The following CSMD3 variants were observed in gnomAD, a reference collection of about 807,000 sequenced individuals.
CSMD3 encodes the protein CUB and Sushi multiple domains 3.
A neutral mutation model predicts 435.2 loss-of-function variants in CSMD3; 177 were observed. That is an observed-to-expected ratio of 0.41 (90% CI 0.36 to 0.46). The LOEUF (loss-of-function observed/expected upper bound fraction) is 0.46, where lower values mean the gene tolerates loss of function less well. CSMD3 is among the 20% of genes least tolerant of loss of function. The probability of loss-of-function intolerance (pLI) is 0.34; values close to 1 mark genes in which losing one functional copy is unlikely to be tolerated. For synonymous variants in CSMD3, 1,656 were observed against 1,520.5 expected (o/e 1.09, Z -2.07); for missense variants, 4,265 against 4,504.6 (o/e 0.95, Z 1.52).
At chr8:112,455,866 TA>T (rs537474453) in intron 32 of CSMD3, among the ~76,000 whole-genome samples, 4 of 150,364 alleles carry the variant, frequency 2.7e-5, no homozygotes, top group Admixed American at 6.6e-5. Context: ...AGCTGGGATT[TA>T]AAAAAAAAGG....
chr8:113,340,197 G>T (rs2094108565), intron 1 of CSMD3, among the ~76,000 whole-genome samples: 2 of 151,774 alleles, frequency 1.3e-5, no homozygotes, highest in African/African-American at 2.4e-5. Flanking sequence ...TGTAAGTTTT[G>T]TATTCTCTTA....
intron 1 of CSMD3, among the ~76,000 whole-genome samples, chr8:113,372,661 C>T (rs1333121232): frequency 6.6e-6 from 1 of 152,084 alleles, no homozygotes; most frequent in Non-Finnish European, 1.5e-5. Context: ...AGGCCGGGCG[C>T]GGTGGCTCAC....
chr8:112,550,831 T>A lies in CSMD3; in HGVS notation c.4404A>T (p.Ile1468=), dbSNP rs1318558529. The change falls in exon 27 of 71, where the codon ATA becomes ATT. Residue 1468 remains isoleucine (I), a synonymous_variant. Coordinates refer to ENST00000297405, the MANE Select transcript of CSMD3 (RefSeq NM_198123.2). ...LAFDTEASHD[I]LRVWDGPPEN... is the part of the protein sequence containing the mutation. ...CTGGTGGACCGTCCCAGACTCGGAG[T>A]ATATCATGTGATGCTTCCGTATCAA... The A allele has an allele frequency of 2.5e-6, 4 of 1,612,456 alleles. No individual in the cohort carries two copies. In the South Asian group the frequency reaches 4.4e-5, roughly 18 times the overall value.
intron 6 of CSMD3, among the ~76,000 whole-genome samples, chr8:112,977,058 GTT>G (rs2084878391): frequency 6.6e-6 from 1 of 151,922 alleles, no homozygotes; most frequent in African/African-American, 2.4e-5. Context: ...TCAAATTAGA[GTT>G]TGCTTTTTCA....
At chr8:113,006,266 T>C (rs2086051505) in intron 6 of CSMD3, among the ~76,000 whole-genome samples, 1 of 152,010 alleles carries the variant, frequency 6.6e-6, no homozygotes, top group African/African-American at 2.4e-5. Flanking sequence ...TCTTGAAGAT[T>C]TGTCTCTATA....
chr8:112,646,595 T>C (rs553973112), intron 19 of CSMD3, among the ~76,000 whole-genome samples: 1 of 152,290 alleles, frequency 6.6e-6, no homozygotes, highest in South Asian at 2.1e-4. Context: ...GGTAAATGCA[T>C]AAATCTATGT....
intron 22 of CSMD3, among the ~76,000 whole-genome samples, chr8:112,623,300 C>A (rs1050298910): frequency 3.0e-4 from 46 of 152,086 alleles, no homozygotes; most frequent in African/African-American, 1.1e-3. Flanking sequence ...CTTTGCCTAG[C>A]GGGACTTTCT....
chr8:113,355,749 T>TATATATAC (rs1357514892), intron 1 of CSMD3, among the ~76,000 whole-genome samples: 292 of 81,290 alleles, frequency 3.6e-3, no homozygotes, highest in African/African-American at 9.7e-3. Context: ...TATATATATA[T>TATATATAC]ACACACACAC....
chr8:112,311,799 T>G (rs1822000135), intron 49 of CSMD3, among the ~76,000 whole-genome samples: 1 of 152,180 alleles, frequency 6.6e-6, no homozygotes, highest in Non-Finnish European at 1.5e-5. Context: ...CATATGTACT[T>G]TTGAGAATAT....
At chr8:112,881,440 C>T (rs1271684042) in intron 10 of CSMD3, among the ~76,000 whole-genome samples, 1 of 151,994 alleles carries the variant, frequency 6.6e-6, no homozygotes, top group Non-Finnish European at 1.5e-5. Flanking sequence ...ATGTATCTAA[C>T]AACCAAAGTG....
At chr8:113,423,246 G>T (rs2094618075) in intron 1 of CSMD3, among the ~76,000 whole-genome samples, 1 of 151,932 alleles carries the variant, frequency 6.6e-6, no homozygotes, top group African/African-American at 2.4e-5. Flanking sequence ...TTTTCACAGG[G>T]TTGCTCAACC....
At chr8:112,427,855 A>T (rs1813242820) in intron 32 of CSMD3, among the ~76,000 whole-genome samples, 1 of 152,154 alleles carries the variant, frequency 6.6e-6, no homozygotes, top group South Asian at 2.1e-4. Context: ...ATGCAGGCCC[A>T]CACCATCTCT....
chr8:112,335,500 G>A lies in CSMD3; in HGVS notation c.7020-26C>T, dbSNP rs111443326. ...CTATGAGACAAGGATTGGGAAAGGA[G>A]GAGAGATCAAGATTGATTGTGGAAG... On this transcript the variant is annotated intron_variant, in intron 44 of 70. Transcript: ENST00000297405. The A allele has an allele frequency of 6.3e-3, 10,076 of 1,609,598 alleles. 48 individuals carry two copies. The highest frequency in any genetic ancestry group is 7.4e-3 in the Non-Finnish European group (8,697 of 1,176,104).
chr8:112,292,752 A>C (rs1406070705), intron 54 of CSMD3, 42 bp from the exon 55 acceptor site: 1 of 1,559,640 alleles, frequency 6.4e-7, no homozygotes, highest in Non-Finnish European at 8.8e-7. Context: ...AAACACAGAA[A>C]AAAAATATTT....
intron 3 of CSMD3, among the ~76,000 whole-genome samples, chr8:113,235,481 C>T (rs2093137598): frequency 6.6e-6 from 1 of 151,928 alleles, no homozygotes; most frequent in Non-Finnish European, 1.5e-5. Context: ...ATTGTGTCCC[C>T]CACTTTGACC....
At chr8:112,351,372 A>C in intron 39 of CSMD3, 128 bp from the exon 40 acceptor site, 1 of 635,888 alleles carries the variant, frequency 1.6e-6, no homozygotes, top group Non-Finnish European at 2.8e-6. Context: ...ATATTTACTT[A>C]TATGAAAATC....
chr8:113,070,125 T>C (rs764273303), intron 5 of CSMD3, among the ~76,000 whole-genome samples: 1 of 152,062 alleles, frequency 6.6e-6, no homozygotes, highest in Non-Finnish European at 1.5e-5. Flanking sequence ...TTAGCACTTT[T>C]TAGGCAGAAA....
intron 27 of CSMD3, among the ~76,000 whole-genome samples, chr8:112,530,628 G>T (rs928857050): frequency 6.6e-6 from 1 of 152,146 alleles, no homozygotes; most frequent in Non-Finnish European, 1.5e-5. Context: ...ACATGCCTTA[G>T]GAGAAATGCC....
intron 6 of CSMD3, among the ~76,000 whole-genome samples, chr8:112,980,479 G>T (rs2085009816): frequency 6.6e-6 from 1 of 151,208 alleles, no homozygotes; most frequent in African/African-American, 2.4e-5. Context: ...AAAGTAAAAT[G>T]CCATAAATGT....
Sources: gnomAD v4.1 joint callset for allele counts (sites outside exome capture counted in the v4.1 genomes callset) on GRCh38, gnomAD v4.1.1 for gene constraint, MANE v1.5 for transcripts, NCBI Gene and HGNC (gene_info 2026-07-23, HGNC 2026-07-21) for gene names.